The following GPC6 variants were observed in gnomAD, a reference collection of about 807,000 sequenced individuals.
GPC6 encodes glypican 6, also known as glypican-6.
A neutral mutation model predicts 55.2 loss-of-function variants in GPC6; 14 were observed. The observed-to-expected ratio is 0.25, with a 90% CI of 0.17 to 0.40. The LOEUF is 0.40. GPC6 is among the 10% of genes least tolerant of loss of function. The pLI is 1.00. For missense variants in GPC6, 641 were observed against 708.5 expected (o/e 0.90, Z 1.08); for synonymous variants, 278 against 259.6 (o/e 1.07, Z -0.68).
chr13:93,857,028 C>A (rs1888642491), intron 3 of GPC6, among the ~76,000 whole-genome samples: 1 of 151,566 alleles, frequency 6.6e-6, no homozygotes, highest in Admixed American at 6.6e-5. Flanking sequence ...AATGGCAATA[C>A]AATACAATAT....
chr13:94,382,346 C>A (rs528272449), intron 6 of GPC6, 68 bp from the exon 7 acceptor site: 9 of 1,557,524 alleles, frequency 5.8e-6, no homozygotes, highest in Non-Finnish European at 7.1e-6. Context: ...CGCCTGCGTA[C>A]GTCCTTGTGT....
chr13:93,558,701 A>G (rs550516925), intron 2 of GPC6, among the ~76,000 whole-genome samples: 2 of 152,298 alleles, frequency 1.3e-5, no homozygotes, highest in African/African-American at 2.4e-5. Context: ...TTTCATTTAA[A>G]TAATTGAATT....
intron 2 of GPC6, among the ~76,000 whole-genome samples, chr13:93,589,908 T>G (rs948216645): frequency 6.6e-6 from 1 of 152,198 alleles, no homozygotes. Flanking sequence ...AAGGACTCTT[T>G]GAGAGCAAAT....
chr13:93,793,097 G>A (rs780240474), intron 2 of GPC6, among the ~76,000 whole-genome samples: 1 of 152,174 alleles, frequency 6.6e-6, no homozygotes, highest in Non-Finnish European at 1.5e-5. Context: ...GTCTATGATA[G>A]ACATTTTCTA....
rs1019297186 is a variant in GPC6, at chr13:94,057,422, T to C, written c.877+29528T>C. The stretch of plus-strand genomic sequence containing the variant: ...GACTATTATCACAGTCACGAAATAT[T>C]TGAAAATCTGTGTTTGCTGTTGCAG... On this transcript the variant is annotated intron_variant, in intron 4 of 8. Coordinates refer to ENST00000377047, the MANE Select transcript of GPC6 (RefSeq NM_005708.5). 3.9e-5 allele frequency among the ~76,000 whole-genome samples: 6 copies of C among 152,322 alleles called. No individual in the cohort carries two copies. The East Asian group carries it at 1.2e-3, about 29-fold the overall frequency.
intron 4 of GPC6, among the ~76,000 whole-genome samples, chr13:94,162,134 A>G (rs1421096872): frequency 1.3e-5 from 2 of 152,214 alleles, no homozygotes; most frequent in African/African-American, 4.8e-5. Context: ...AAACCATATC[A>G]ATACTGAAAG....
rs545124467 is a variant in GPC6, at chr13:93,428,366, G to A, written c.161-116897G>A. ...TTACAGAGAGAATGTTACCTACCAG[G>A]GAGCATCAAACAAACAGCAATCCAC... On this transcript the variant is annotated intron_variant, in intron 1 of 8. Transcript: ENST00000377047. Among the ~76,000 whole-genome samples the A allele has an allele frequency of 2.6e-5, 4 of 152,138 alleles. No homozygotes were observed. The South Asian group carries it at 6.2e-4, about 24-fold the overall frequency.
chr13:93,471,328 C>T (rs943142041), intron 1 of GPC6, among the ~76,000 whole-genome samples: 34 of 145,216 alleles, frequency 2.3e-4, no homozygotes, highest in Non-Finnish European at 4.0e-4. Context: ...TCCTGGCTAA[C>T]GTGGTGAAAC....
chr13:93,365,181 C>T lies in GPC6; in HGVS notation c.160+137565C>T, dbSNP rs551539033. ...TTCCCACAGTAAACTGCAAGTTTAT[C>T]CATTCAAAGAGGGAACCCGTGACTT... On this transcript the variant is annotated intron_variant, in intron 1 of 8. Coordinates refer to ENST00000377047, the MANE Select transcript of GPC6 (RefSeq NM_005708.5). 6.4e-4 allele frequency among the ~76,000 whole-genome samples: 97 copies of T among 152,070 alleles called. 1 individual carries two copies. Among genetic ancestry groups the T allele is most frequent in the Non-Finnish European group, 9.6e-4 (65 of 67,998 alleles).
the GPC6 span, among the ~76,000 whole-genome samples, chr13:93,218,834 C>T: frequency 6.6e-6 from 1 of 152,124 alleles, no homozygotes; most frequent in African/African-American, 2.4e-5. Flanking sequence ...CGTATATTCA[C>T]TCCAATCATG....
chr13:93,313,885 A>C (rs1879158166), intron 1 of GPC6, among the ~76,000 whole-genome samples: 1 of 152,150 alleles, frequency 6.6e-6, no homozygotes, highest in Non-Finnish European at 1.5e-5. Flanking sequence ...CTATGTATAC[A>C]GTTCTCCAAC....
chr13:94,146,867 G>A (rs1887579566), intron 4 of GPC6, among the ~76,000 whole-genome samples: 8 of 152,102 alleles, frequency 5.3e-5, no homozygotes, highest in Admixed American at 5.2e-4. Context: ...TTACATTCTA[G>A]CAATGCATGT....
chr13:93,968,440 AC>A, intron 3 of GPC6, among the ~76,000 whole-genome samples: 1 of 152,282 alleles, frequency 6.6e-6, no homozygotes, highest in South Asian at 2.1e-4. Context: ...TTTAATATTC[AC>A]AAATCAGTTC....
intron 1 of GPC6, among the ~76,000 whole-genome samples, chr13:93,446,486 G>A (rs574877870): frequency 3.5e-5 from 5 of 143,038 alleles, no homozygotes; most frequent in Non-Finnish European, 8.0e-5. Flanking sequence ...AGCTAGAATA[G>A]GTTTTTACAG....
chr13:94,268,878 C>T (rs1891898623), intron 4 of GPC6, among the ~76,000 whole-genome samples: 1 of 152,168 alleles, frequency 6.6e-6, no homozygotes, highest in South Asian at 2.1e-4. Context: ...TGGCCTTTCA[C>T]ATTGCCTCTT....
intron 6 of GPC6, among the ~76,000 whole-genome samples, chr13:94,323,363 G>A (rs1876939533): frequency 6.6e-6 from 1 of 152,162 alleles, no homozygotes; most frequent in African/African-American, 2.4e-5. Flanking sequence ...AGAAGCCAAT[G>A]TGCATAAAGC....
chr13:93,397,286 C>A (rs977275105), intron 1 of GPC6, among the ~76,000 whole-genome samples: 4 of 152,086 alleles, frequency 2.6e-5, no homozygotes, highest in Admixed American at 6.5e-5. Flanking sequence ...ACAAAGGTTC[C>A]AATTTATCCA....
intron 4 of GPC6, among the ~76,000 whole-genome samples, chr13:94,138,695 A>G (rs1440650881): frequency 6.6e-6 from 1 of 152,176 alleles, no homozygotes. Context: ...GCTTAAGCCT[A>G]CTTAAGGTAT....
intron 2 of GPC6, among the ~76,000 whole-genome samples, chr13:93,579,957 A>G (rs1219410111): frequency 1.3e-5 from 2 of 152,200 alleles, no homozygotes; most frequent in African/African-American, 4.8e-5. Flanking sequence ...TTCTTAGGCT[A>G]TCAAAATATT....
Sources: gnomAD v4.1 joint callset for allele counts (sites outside exome capture counted in the v4.1 genomes callset) on GRCh38, gnomAD v4.1.1 for gene constraint, MANE v1.5 for transcripts, NCBI Gene and HGNC (gene_info 2026-07-23, HGNC 2026-07-21) for gene names.